The following EXPH5 variants were observed in gnomAD, a reference collection of about 807,000 sequenced individuals.
EXPH5 encodes exophilin 5.
A neutral mutation model predicts 41.1 loss-of-function variants in EXPH5; 42 were observed. The ratio of observed to expected loss-of-function variants is 1.02; its 90% CI spans 0.80 to 1.32. EXPH5 has a LOEUF of 1.32. Among genes scored for constraint, EXPH5 ranks in the 40% most tolerant of loss-of-function variants. The pLI is 0.00. For synonymous variants in EXPH5, 798 were observed against 833.5 expected, an observed-to-expected ratio of 0.96 and a Z score of 0.73; for missense variants, 2,298 against 2,314.5, an observed-to-expected ratio of 0.99 and a Z score of 0.15.
chr11:108,573,172 G>GAAAGAAAGAAAGAAAA (rs2094067708), intron 1 of EXPH5, among the ~76,000 whole-genome samples: 4 of 144,102 alleles, frequency 2.8e-5, no homozygotes, highest in African/African-American at 1.1e-4. Context: ...AAGAAAGAAA[G>GAAAGAAAGAAAGAAAA]AAAGAAAGAA....
chr11:108,575,702 G>A (rs1461878783), intron 1 of EXPH5, among the ~76,000 whole-genome samples: 4 of 152,074 alleles, frequency 2.6e-5, no homozygotes, highest in Non-Finnish European at 5.9e-5. Context: ...GGCTGGGTGC[G>A]GTGGCTCATG....
At chr11:108,600,887 A>T in the EXPH5 span, among the ~76,000 whole-genome samples, 1 of 152,354 alleles carries the variant, frequency 6.6e-6, no homozygotes, top group East Asian at 1.9e-4. Flanking sequence ...GACAAGTACA[A>T]TGTTATTCAA....
At chr11:108,564,562 A>G (rs547148653) in intron 1 of EXPH5, among the ~76,000 whole-genome samples, 1 of 152,214 alleles carries the variant, frequency 6.6e-6, no homozygotes, top group East Asian at 1.9e-4. Context: ...TTTTAGAGTC[A>G]TAATGTTGAA....
intron 2 of EXPH5, among the ~76,000 whole-genome samples, chr11:108,540,623 T>C (rs961954620): frequency 2.0e-5 from 3 of 152,192 alleles, no homozygotes; most frequent in Non-Finnish European, 4.4e-5. Flanking sequence ...AGATATTTTA[T>C]TTTAGTATTT....
At chr11:108,569,780 T>A (rs912074802) in intron 1 of EXPH5, among the ~76,000 whole-genome samples, 1 of 152,106 alleles carries the variant, frequency 6.6e-6, no homozygotes, top group Non-Finnish European at 1.5e-5. Context: ...GAAATGTTAT[T>A]GAATCATGAT....
At chr11:108,595,044 C>T (rs140104923), upstream of EXPH5, among the ~76,000 whole-genome samples, 28 of 152,236 alleles carry the variant, frequency 1.8e-4, no homozygotes, top group East Asian at 5.2e-3. Context: ...TATATGGTGT[C>T]CAGTTTTTCT....
chr11:108,604,062 T>C, the EXPH5 span, among the ~76,000 whole-genome samples: 366 of 152,186 alleles, frequency 2.4e-3, 1 homozygote, highest in African/African-American at 8.3e-3. Context: ...GTTTCAATTT[T>C]TTTAAGGGTA....
At chr11:108,517,093 C>T (rs1018779926) in intron 5 of EXPH5, among the ~76,000 whole-genome samples, 9 of 152,052 alleles carry the variant, frequency 5.9e-5, no homozygotes, top group Non-Finnish European at 7.4e-5. Context: ...TAAGTAAAAT[C>T]GCCAGGAATT....
At chr11:108,518,648 C>T (rs2093743496) in intron 4 of EXPH5, among the ~76,000 whole-genome samples, 1 of 152,212 alleles carries the variant, frequency 6.6e-6, no homozygotes, top group Non-Finnish European at 1.5e-5. Context: ...TTACACAGCA[C>T]TGTCAGAGGC....
chr11:108,581,624 A>T (rs1036715320), intron 1 of EXPH5, among the ~76,000 whole-genome samples: 1 of 152,142 alleles, frequency 6.6e-6, no homozygotes, highest in Admixed American at 6.5e-5. Flanking sequence ...AGCAAAATAA[A>T]CATAAAGCAG....
At chr11:108,539,277 C>T in intron 2 of EXPH5, 91 bp from the exon 3 acceptor site, 2 of 964,248 alleles carry the variant, frequency 2.1e-6, no homozygotes, top group African/African-American at 1.6e-5. Flanking sequence ...GTCACTTTCT[C>T]CCTCTTATGC....
At position 108,512,865 on chromosome 11, in the gene EXPH5, G is replaced by A; in HGVS notation, c.2642C>T (p.Ser881Leu). ...TGGTGAGGAATCTGGTAGTGCAGCT[G>A]ATGACAGATCTAAAGAATCACACGA... The part of the protein sequence containing the change: ...KTSCDSLDLS[S>L]AALPDSSPSK... Residue 881 changes from serine to leucine, a missense_variant, in exon 6 of 6, where the codon TCA (serine) becomes TTA (leucine). Physicochemically the swap from Ser to Leu is moderately radical, Grantham distance 145 (BLOSUM62 -2). Coordinates refer to ENST00000265843, the MANE Select transcript of EXPH5 (RefSeq NM_015065.3). 6.2e-7 allele frequency: 1 copy of A among 1,614,116 alleles called. No individual in the cohort carries two copies. The highest frequency in any genetic ancestry group is 1.7e-5 in the Admixed American group (1 of 60,028).
chr11:108,589,953 G>T (rs962757), intron 1 of EXPH5, among the ~76,000 whole-genome samples: 63,352 of 151,936 alleles, frequency 0.42, 14,247 homozygotes, highest in Admixed American at 0.49. Context: ...TATATAGTAA[G>T]GGCCTAATAA....
chr11:108,527,928 C>T (rs756833404), intron 4 of EXPH5, among the ~76,000 whole-genome samples: 1 of 152,190 alleles, frequency 6.6e-6, no homozygotes, highest in Non-Finnish European at 1.5e-5. Context: ...ACATGATGGC[C>T]TCACTCCTTC....
Position 108,541,557 on chromosome 11 carries a change from G to C in EXPH5, c.280+95C>G, listed in dbSNP as rs912413749. On this transcript the variant is annotated intron_variant, in intron 2 of 5. Coordinates refer to ENST00000265843, the MANE Select transcript of EXPH5 (RefSeq NM_015065.3). The stretch of plus-strand genomic sequence containing the variant: ...ATGACTTTAAAATAGTTCTAAACAT[G>C]GATTGGTTACATTGGAGATCCACTG... 4 of 721,768 alleles carry C rather than the reference G, an allele frequency of 5.5e-6. No homozygotes were observed. In the African/African-American group the frequency reaches 7.2e-5, roughly 13 times the overall value. 44.7% of individuals were successfully genotyped at this position (721,768 alleles called of 1,614,324 possible).
intron 1 of EXPH5, among the ~76,000 whole-genome samples, chr11:108,582,087 A>G (rs894336549): frequency 1.3e-5 from 2 of 152,228 alleles, no homozygotes; most frequent in Non-Finnish European, 2.9e-5. Context: ...TGCCAGGGCT[A>G]TATAATCTCT....
At chr11:108,588,229 G>A (rs2094118987) in intron 1 of EXPH5, among the ~76,000 whole-genome samples, 1 of 152,068 alleles carries the variant, frequency 6.6e-6, no homozygotes, top group African/African-American at 2.4e-5. Context: ...ATAGGCAGAT[G>A]GTATCAGTTA....
chr11:108,512,965 G>T lies in EXPH5; in HGVS notation c.2542C>A (p.His848Asn). Residue 848 changes from histidine to asparagine, a missense_variant, in exon 6 of 6, where the codon CAC (histidine) becomes AAC (asparagine). Transcript: ENST00000265843. ...EDISRIITNNHWSSALTDTQN... is the reference protein window; with the variant it reads ...EDISRIITNNNWSSALTDTQN... Reference sequence around the variant, plus strand: ...GTATCAGTCAGTGCAGAGCTCCAGTGGTTATTTGTAATAATTCTTGAAATA... The same window carrying T: ...GTATCAGTCAGTGCAGAGCTCCAGTTGTTATTTGTAATAATTCTTGAAATA... 6.2e-7 allele frequency: 1 copy of T among 1,612,540 alleles called. No individual in the cohort carries two copies. Among genetic ancestry groups the T allele is most frequent in the South Asian group, 1.1e-5 (1 of 90,650 alleles).
intron 1 of EXPH5, among the ~76,000 whole-genome samples, chr11:108,573,381 T>A (rs1196870369): frequency 6.6e-6 from 1 of 152,182 alleles, no homozygotes; most frequent in African/African-American, 2.4e-5. Flanking sequence ...TACCCTTGGT[T>A]GGGTTTGCCA....
Sources: allele counts gnomAD v4.1 joint callset (sites outside exome capture counted in the v4.1 genomes callset), GRCh38; gene constraint gnomAD v4.1.1; transcripts MANE v1.5; gene names NCBI Gene and HGNC (gene_info 2026-07-23, HGNC 2026-07-21).